Variants in PCDH15 observed in about 807,000 individuals in gnomAD.
PCDH15 encodes protocadherin related 15, also known as protocadherin-15.
In PCDH15, 129 loss-of-function variants were observed where a neutral mutation model predicts 178.5. That is an observed-to-expected ratio of 0.72 (90% CI 0.63 to 0.84). The LOEUF (loss-of-function observed/expected upper bound fraction) is 0.84. Ranked by LOEUF, PCDH15 falls within the 40% of genes least tolerant of loss-of-function variation. The probability of loss-of-function intolerance (pLI) is 0.00; values close to 1 mark genes in which losing one functional copy is unlikely to be tolerated. For missense variants in PCDH15, 2,230 were observed against 2,099.9 expected (o/e 1.06, Z -1.21); for synonymous variants, 800 against 732.0 (o/e 1.09, Z -1.50).
intron 2 of PCDH15, among the ~76,000 whole-genome samples, chr10:55,406,527 G>A (rs1328761285): frequency 6.6e-6 from 1 of 152,176 alleles, no homozygotes; most frequent in Non-Finnish European, 1.5e-5. Flanking sequence ...CTGGGACTGA[G>A]CATGTAACAG....
chr10:54,966,477 G>T (rs2131889470), intron 2 of PCDH15, among the ~76,000 whole-genome samples: 1 of 152,136 alleles, frequency 6.6e-6, no homozygotes, highest in East Asian at 1.9e-4. Flanking sequence ...ATAGCCTATT[G>T]CTTCTAGGCT....
At position 54,813,286 on chromosome 10, in the gene PCDH15, C is replaced by A. The variant is rs148002696; in HGVS notation, c.-29+84164G>T. Among the ~76,000 whole-genome samples the A allele has an allele frequency of 2.1e-3, 314 of 152,310 alleles. 2 individuals are homozygous for A. The highest frequency in any genetic ancestry group is 3.4e-3 in the Non-Finnish European group (230 of 68,022). On this transcript the variant is annotated intron_variant, in intron 3 of 5. Transcript: ENST00000458638. ...CAGATAACTGAGGTTTCCCATGGAG[C>A]AGATGATGCCCAAGTTTTCACCTCC...
intron 2 of PCDH15, among the ~76,000 whole-genome samples, chr10:55,029,336 ATG>A (rs1840553710): frequency 6.6e-6 from 1 of 152,032 alleles, no homozygotes; most frequent in Non-Finnish European, 1.5e-5. Context: ...ATGAATATGC[ATG>A]TATATATATA....
At position 54,016,678 on chromosome 10, in the gene PCDH15, G is replaced by A. The variant is rs539978055; in HGVS notation, c.2751+3514C>T. Among the ~76,000 whole-genome samples, 9 of 152,196 alleles carry A rather than the reference G, an allele frequency of 5.9e-5. No homozygotes were observed. In the East Asian group the frequency reaches 9.7e-4, roughly 16 times the overall value. ...TCTCACTTAGAAGCTGAAGGTAAACGTTGAGTACATAGGGACACAAAGATG... is the reference window on the plus strand; with the variant it reads ...TCTCACTTAGAAGCTGAAGGTAAACATTGAGTACATAGGGACACAAAGATG... On this transcript the variant is annotated intron_variant, in intron 20 of 37. Transcript: ENST00000644397.
intron 10 of PCDH15, among the ~76,000 whole-genome samples, chr10:54,199,564 C>T (rs372830589): frequency 1.5e-4 from 12 of 79,282 alleles, no homozygotes; most frequent in African/African-American, 2.8e-4. Flanking sequence ...TAAACAACAA[C>T]AACAACAATA....
chr10:54,156,501 C>T (rs956945759), intron 13 of PCDH15, among the ~76,000 whole-genome samples: 2 of 152,154 alleles, frequency 1.3e-5, no homozygotes, highest in South Asian at 2.1e-4. Context: ...ATGAGACTTG[C>T]TCACTATCAC....
intron 2 of PCDH15, among the ~76,000 whole-genome samples, chr10:54,930,794 T>C (rs1274440521): frequency 6.6e-6 from 1 of 152,150 alleles, no homozygotes; most frequent in Non-Finnish European, 1.5e-5. Flanking sequence ...CTGTAAAGTG[T>C]AGGAATTCAG....
At chr10:54,108,479 G>A (rs1371820768) in intron 15 of PCDH15, among the ~76,000 whole-genome samples, 3 of 152,160 alleles carry the variant, frequency 2.0e-5, no homozygotes, top group Non-Finnish European at 4.4e-5. Flanking sequence ...CAAACCAGCA[G>A]TTGAAACTTA....
intron 3 of PCDH15, among the ~76,000 whole-genome samples, chr10:54,810,231 A>T (rs1282081627): frequency 1.3e-5 from 2 of 152,158 alleles, no homozygotes; most frequent in African/African-American, 4.8e-5. Flanking sequence ...ATGTTCAGGC[A>T]TAATAAGTTT....
At chr10:54,651,879 T>A (rs1423358106) in intron 2 of PCDH15, among the ~76,000 whole-genome samples, 1 of 152,182 alleles carries the variant, frequency 6.6e-6, no homozygotes, top group African/African-American at 2.4e-5. Context: ...AAAATATAAC[T>A]GTTTCCTACA....
At chr10:55,296,556 G>T (rs1349690348) in intron 1 of PCDH15, among the ~76,000 whole-genome samples, 1 of 152,122 alleles carries the variant, frequency 6.6e-6, no homozygotes, top group Non-Finnish European at 1.5e-5. Context: ...TATAACAAAA[G>T]ATTTTCCCAT....
At chr10:54,895,056 C>G (rs1206805339) in intron 3 of PCDH15, among the ~76,000 whole-genome samples, 1 of 152,134 alleles carries the variant, frequency 6.6e-6, no homozygotes, top group African/African-American at 2.4e-5. Flanking sequence ...GCATGATGTT[C>G]ATTCTTTTAT....
At chr10:55,529,740 A>AATATAT (rs1841400952) in intron 2 of PCDH15, among the ~76,000 whole-genome samples, 18 of 19,910 alleles carry the variant, frequency 9.0e-4, no homozygotes, top group African/African-American at 3.8e-3. Flanking sequence ...TTTGTCTGTG[A>AATATAT]GTATATATAT....
intron 2 of PCDH15, among the ~76,000 whole-genome samples, chr10:55,355,025 C>T (rs530152288): frequency 6.6e-6 from 1 of 152,072 alleles, no homozygotes; most frequent in African/African-American, 2.4e-5. Flanking sequence ...TAAAGACTGT[C>T]TTATTTCATT....
chr10:55,517,917 T>C (rs1023366058), intron 2 of PCDH15, among the ~76,000 whole-genome samples: 15 of 152,158 alleles, frequency 9.9e-5, no homozygotes, highest in African/African-American at 2.9e-4. Context: ...CTATGAAGAT[T>C]TGAGCAAAAC....
chr10:55,378,006 A>G (rs1235107635), intron 2 of PCDH15, among the ~76,000 whole-genome samples: 1 of 152,118 alleles, frequency 6.6e-6, no homozygotes, highest in Non-Finnish European at 1.5e-5. Context: ...GAGTTGAACA[A>G]TGAGAACACA....
chr10:54,708,245 GT>G (rs1228789911), intron 1 of PCDH15, among the ~76,000 whole-genome samples: 3 of 152,148 alleles, frequency 2.0e-5, no homozygotes, highest in African/African-American at 7.2e-5. Context: ...AATAAGGCCA[GT>G]TTTTTCTTGT....
intron 8 of PCDH15, among the ~76,000 whole-genome samples, chr10:54,291,392 C>G (rs1269403988): frequency 6.6e-6 from 1 of 152,104 alleles, no homozygotes; most frequent in African/African-American, 2.4e-5. Context: ...AATCAATACC[C>G]TAATATCACA....
chr10:54,679,436 C>T (rs2135621769), intron 1 of PCDH15, among the ~76,000 whole-genome samples: 1 of 152,248 alleles, frequency 6.6e-6, no homozygotes, highest in Admixed American at 6.5e-5. Context: ...AAATTAGCTT[C>T]CAAAAATCAT....
Sources: gnomAD v4.1 joint callset for allele counts (sites outside exome capture counted in the v4.1 genomes callset) on GRCh38, gnomAD v4.1.1 for gene constraint, MANE v1.5 for transcripts, NCBI Gene and HGNC (gene_info 2026-07-23, HGNC 2026-07-21) for gene names.